GOLM1: variants seen among roughly 807,000 people sequenced by gnomAD.
GOLM1 encodes golgi membrane protein 1.
A neutral mutation model predicts 50.5 loss-of-function variants in GOLM1; 31 were observed. That is an observed-to-expected ratio of 0.61 (90% CI 0.46 to 0.83). The LOEUF (loss-of-function observed/expected upper bound fraction) is 0.83, where lower values mean the gene tolerates loss of function less well. GOLM1 is among the 40% of genes least tolerant of loss of function. GOLM1 has a pLI of 0.00. For missense variants in GOLM1, 491 were observed against 501.3 expected, an observed-to-expected ratio of 0.98 and a Z score of 0.20; for synonymous variants, 178 against 192.8, an observed-to-expected ratio of 0.92 and a Z score of 0.64.
intron 9 of GOLM1, among the ~76,000 whole-genome samples, chr9:86,031,310 A>G (rs548101970): frequency 2.0e-5 from 3 of 152,260 alleles, no homozygotes; most frequent in African/African-American, 7.2e-5. Context: ...TTTCTGCTGA[A>G]TTCTGAAGTT....
intron 1 of GOLM1, among the ~76,000 whole-genome samples, chr9:86,098,841 G>T (rs1240165713): frequency 1.3e-5 from 2 of 152,194 alleles, no homozygotes; most frequent in African/African-American, 4.8e-5. Context: ...CGCTCTGGAC[G>T]CGCGGCGGGA....
chr9:86,078,707 T>C (rs561732543), intron 2 of GOLM1, among the ~76,000 whole-genome samples: 72 of 152,326 alleles, frequency 4.7e-4, no homozygotes, highest in African/African-American at 1.5e-3. Context: ...ACCTGACCCA[T>C]GACTGCACCG....
chr9:86,088,420 G>GTGTA (rs1157260470), intron 1 of GOLM1, among the ~76,000 whole-genome samples: 1 of 86,304 alleles, frequency 1.2e-5, no homozygotes, highest in African/African-American at 5.8e-5. Context: ...TTTGAAGGGT[G>GTGTA]TATATATATA....
intron 3 of GOLM1, among the ~76,000 whole-genome samples, chr9:86,062,954 A>G (rs1024696637): frequency 2.0e-5 from 3 of 152,166 alleles, no homozygotes; most frequent in Admixed American, 6.5e-5. Context: ...AGGTCTCCTC[A>G]TCACCCAGCT....
chr9:86,083,825 C>CA (rs1432036061), intron 1 of GOLM1, among the ~76,000 whole-genome samples: 1 of 152,182 alleles, frequency 6.6e-6, no homozygotes, highest in Non-Finnish European at 1.5e-5. Context: ...TCTAAAAACT[C>CA]AGAGAAAGTT....
At chr9:86,048,775 A>G (rs1833641386) in intron 4 of GOLM1, among the ~76,000 whole-genome samples, 1 of 152,146 alleles carries the variant, frequency 6.6e-6, no homozygotes, top group Non-Finnish European at 1.5e-5. Flanking sequence ...TCTGGATATT[A>G]GCTCTTTGTC....
In GOLM1 at chr9:86,027,028, T is replaced by C; in HGVS notation, c.*789A>G. ...GCTCCAGGTCAGCCCCCTTTTGGCC[T>C]GTTTGTTTTGTCAAAAACCTAATCT... On this transcript the variant is annotated 3_prime_UTR_variant, in exon 10 of 10. Coordinates refer to ENST00000388712, the MANE Select transcript of GOLM1 (RefSeq NM_016548.4). 1 of 985,382 alleles carries C rather than the reference T, an allele frequency of 1.0e-6. No homozygotes were observed. Among genetic ancestry groups the C allele is most frequent in the South Asian group, 4.7e-5 (1 of 21,284 alleles). The allele number at this position is 985,382 out of a possible 1,614,324, so 61.0% of individuals were successfully genotyped here.
chr9:86,057,377 G>A (rs1310882543), intron 3 of GOLM1, among the ~76,000 whole-genome samples: 1 of 151,944 alleles, frequency 6.6e-6, no homozygotes, highest in Non-Finnish European at 1.5e-5. Flanking sequence ...ACACTCACTT[G>A]GAAGAAGGAT....
At chr9:86,085,643 C>G (rs1373819104) in intron 1 of GOLM1, among the ~76,000 whole-genome samples, 1 of 152,050 alleles carries the variant, frequency 6.6e-6, no homozygotes, top group Non-Finnish European at 1.5e-5. Flanking sequence ...TTCCCCACCC[C>G]ACCACAGGCC....
In GOLM1 at chr9:86,029,857, G is replaced by A. The variant is rs1832915918; in HGVS notation, c.1130-1964C>T. Among the ~76,000 whole-genome samples, 3 of 152,214 alleles carry A rather than the reference G, an allele frequency of 2.0e-5. No homozygotes were observed. The South Asian group carries it at 6.2e-4, about 32-fold the overall frequency. ...CTTAGGACACCTGAGTGTAGGGAATGAGAGATCCAAAAAGGCTTCACCGCA... is the reference window on the plus strand; with the variant it reads ...CTTAGGACACCTGAGTGTAGGGAATAAGAGATCCAAAAAGGCTTCACCGCA... On this transcript the variant is annotated intron_variant, in intron 9 of 9. Coordinates refer to ENST00000388712, the MANE Select transcript of GOLM1 (RefSeq NM_016548.4).
intron 3 of GOLM1, among the ~76,000 whole-genome samples, chr9:86,058,155 A>G (rs1262292022): frequency 6.6e-6 from 1 of 152,246 alleles, no homozygotes; most frequent in African/African-American, 2.4e-5. Context: ...CCTCTTAGCA[A>G]TTTCAAAATG....
intron 1 of GOLM1, among the ~76,000 whole-genome samples, chr9:86,084,593 G>A (rs1243965499): frequency 3.3e-5 from 5 of 152,154 alleles, no homozygotes; most frequent in African/African-American, 1.2e-4. Context: ...GGGAAACAGG[G>A]TAAAGGGTAT....
At chr9:86,088,268 G>C (rs1467123644) in intron 1 of GOLM1, among the ~76,000 whole-genome samples, 1 of 151,552 alleles carries the variant, frequency 6.6e-6, no homozygotes, top group Non-Finnish European at 1.5e-5. Flanking sequence ...TTGTATTTCT[G>C]TGGGATCAGT....
chr9:86,051,113 A>AAGGAT (rs1331673503), intron 4 of GOLM1, among the ~76,000 whole-genome samples: 90 of 151,992 alleles, frequency 5.9e-4, no homozygotes, highest in Non-Finnish European at 1.1e-3. Context: ...GCCTTCATTT[A>AAGGAT]GTTATGTACC....
intron 3 of GOLM1, among the ~76,000 whole-genome samples, chr9:86,056,958 G>C (rs545759645): frequency 6.6e-6 from 1 of 152,274 alleles, no homozygotes; most frequent in East Asian, 1.9e-4. Flanking sequence ...GAGCCATGGT[G>C]CTGGGCCATA....
chr9:86,082,425 C>A (rs1834814052), intron 1 of GOLM1, among the ~76,000 whole-genome samples: 1 of 149,578 alleles, frequency 6.7e-6, no homozygotes, highest in Non-Finnish European at 1.5e-5. Context: ...GTTGCTCAGG[C>A]TGACACACTC....
intron 3 of GOLM1, among the ~76,000 whole-genome samples, chr9:86,056,919 G>GC (rs1428250333): frequency 1.3e-5 from 2 of 152,146 alleles, no homozygotes; most frequent in Non-Finnish European, 2.9e-5. Context: ...TCCTGCCTCA[G>GC]CCTCCTGCAG....
In GOLM1 at chr9:86,070,173, G is replaced by A. The variant is rs149806835; in HGVS notation, c.309+7239C>T. ...GCTGGGATTACAGGCGTGAGCCACC[G>A]TGTCCGACCTAAAGCCAATCTTTTT... On this transcript the variant is annotated intron_variant, in intron 3 of 9. Transcript: ENST00000388712. Among the ~76,000 whole-genome samples, 7 of 152,066 alleles carry A rather than the reference G, an allele frequency of 4.6e-5. No homozygotes were observed. In the East Asian group the frequency reaches 1.4e-3, roughly 30 times the overall value.
chr9:86,033,850 T>C (rs1833054980), intron 8 of GOLM1, among the ~76,000 whole-genome samples: 1 of 152,162 alleles, frequency 6.6e-6, no homozygotes, highest in Non-Finnish European at 1.5e-5. Flanking sequence ...ATTACTCTAT[T>C]CTTCCCTGGA....
Sources: gnomAD v4.1 joint callset for allele counts (sites outside exome capture counted in the v4.1 genomes callset) on GRCh38, gnomAD v4.1.1 for gene constraint, MANE v1.5 for transcripts, NCBI Gene and HGNC (gene_info 2026-07-23, HGNC 2026-07-21) for gene names.